NR2F1-AS1: variants seen among roughly 807,000 people sequenced by gnomAD.
NR2F1-AS1 encodes NR2F1 regulatory antisense RNA 1.
intron 4 of NR2F1-AS1, among the ~76,000 whole-genome samples, chr5:93,440,876 T>A (rs549902110): frequency 1.3e-5 from 2 of 152,262 alleles, no homozygotes; most frequent in East Asian, 3.9e-4. Context: ...CTCCAAACAT[T>A]TCTTACAACT....
intron 4 of NR2F1-AS1, among the ~76,000 whole-genome samples, chr5:93,550,420 C>T (rs549971701): frequency 1.2e-4 from 18 of 152,258 alleles, no homozygotes; most frequent in African/African-American, 3.9e-4. Flanking sequence ...AACATCATGG[C>T]CTCATTGCAA....
At chr5:93,449,646 T>G (rs1334610719) in intron 4 of NR2F1-AS1, among the ~76,000 whole-genome samples, 1 of 152,196 alleles carries the variant, frequency 6.6e-6, no homozygotes, top group Non-Finnish European at 1.5e-5. Flanking sequence ...TAAAATTCTG[T>G]TGTAAACCTC....
At chr5:93,570,032 T>C (rs574659518) in intron 1 of NR2F1-AS1, 8 of 152,228 alleles carry the variant, frequency 5.3e-5, no homozygotes, top group African/African-American at 1.9e-4. Flanking sequence ...AGCGGGCTGA[T>C]GGCGCGGGAC....
At chr5:93,464,652 C>G (rs1750185794) in intron 4 of NR2F1-AS1, among the ~76,000 whole-genome samples, 1 of 152,202 alleles carries the variant, frequency 6.6e-6, no homozygotes, top group Non-Finnish European at 1.5e-5. Flanking sequence ...TAATCAAGTA[C>G]TTGAAGTAGC....
chr5:93,487,878 A>AC (rs1750759936), intron 4 of NR2F1-AS1, among the ~76,000 whole-genome samples: 1 of 152,188 alleles, frequency 6.6e-6, no homozygotes, highest in Admixed American at 6.5e-5. Context: ...ACAGCATGGT[A>AC]CTGGTACCAA....
intron 4 of NR2F1-AS1, among the ~76,000 whole-genome samples, chr5:93,472,033 C>T (rs983660687): frequency 2.6e-5 from 4 of 151,734 alleles, no homozygotes; most frequent in African/African-American, 9.7e-5. Flanking sequence ...CAGTACTATA[C>T]AGTATGTATT....
chr5:93,420,465 G>A (rs1749065825), intron 4 of NR2F1-AS1, among the ~76,000 whole-genome samples: 1 of 152,164 alleles, frequency 6.6e-6, no homozygotes. Context: ...ATCTGGGGTG[G>A]CTGAAGCCAT....
intron 4 of NR2F1-AS1, among the ~76,000 whole-genome samples, chr5:93,483,143 C>T (rs768586890): frequency 2.0e-5 from 3 of 152,204 alleles, no homozygotes; most frequent in African/African-American, 4.8e-5. Flanking sequence ...ACCCCCATGC[C>T]TCCTGACTGG....
chr5:93,582,923 C>T (rs1753142125), upstream of NR2F1-AS1, among the ~76,000 whole-genome samples: 1 of 151,962 alleles, frequency 6.6e-6, no homozygotes, highest in African/African-American at 2.4e-5. Context: ...CCTCCCCACA[C>T]CATCCCAGTC....
At chr5:93,503,560 G>A (rs1011608187) in intron 4 of NR2F1-AS1, among the ~76,000 whole-genome samples, 1 of 152,280 alleles carries the variant, frequency 6.6e-6, no homozygotes, top group Admixed American at 6.5e-5. Context: ...ACCAGTCCCA[G>A]AACTAATAAG....
intron 4 of NR2F1-AS1, among the ~76,000 whole-genome samples, chr5:93,480,471 C>G (rs1325096589): frequency 6.6e-6 from 1 of 152,088 alleles, no homozygotes; most frequent in African/African-American, 2.4e-5. Context: ...AGTTCACTGA[C>G]AGACTTGCTC....
chr5:93,412,453 C>CA (rs1748876530), intron 4 of NR2F1-AS1, among the ~76,000 whole-genome samples: 1 of 152,190 alleles, frequency 6.6e-6, no homozygotes, highest in Non-Finnish European at 1.5e-5. Flanking sequence ...TCAGAGCAGA[C>CA]CATAGAGAAG....
At chr5:93,512,691 T>C (rs1190544281) in intron 4 of NR2F1-AS1, among the ~76,000 whole-genome samples, 1 of 152,180 alleles carries the variant, frequency 6.6e-6, no homozygotes, top group Non-Finnish European at 1.5e-5. Flanking sequence ...TTATCTTTTA[T>C]GCTGTATTTT....
At chr5:93,535,941 G>A (rs1751828734) in intron 4 of NR2F1-AS1, among the ~76,000 whole-genome samples, 1 of 152,078 alleles carries the variant, frequency 6.6e-6, no homozygotes, top group African/African-American at 2.4e-5. Flanking sequence ...AATACTGAAA[G>A]TTCTAAGTAG....
chr5:93,544,368 A>G (rs1752026237), intron 4 of NR2F1-AS1, among the ~76,000 whole-genome samples: 1 of 152,164 alleles, frequency 6.6e-6, no homozygotes, highest in Admixed American at 6.5e-5. Flanking sequence ...AAATTATTAT[A>G]AAAACTAGCA....
At chr5:93,494,606 C>G (rs1424430832) in intron 4 of NR2F1-AS1, among the ~76,000 whole-genome samples, 1 of 152,154 alleles carries the variant, frequency 6.6e-6, no homozygotes, top group Non-Finnish European at 1.5e-5. Context: ...CAGAGCAAGA[C>G]TCCATCTCAA....
At chr5:93,450,914 CA>C (rs60895927) in intron 4 of NR2F1-AS1, among the ~76,000 whole-genome samples, 165 of 54,042 alleles carry the variant, frequency 3.1e-3, no homozygotes, top group East Asian at 0.015. Flanking sequence ...GAATCTGCTT[CA>C]AAAAAAAAAA....
intron 4 of NR2F1-AS1, among the ~76,000 whole-genome samples, chr5:93,421,560 C>A (rs932866297): frequency 3.9e-5 from 6 of 152,152 alleles, no homozygotes; most frequent in Non-Finnish European, 8.8e-5. Flanking sequence ...AGCCCCTACT[C>A]GGGCTTTTCA....
intron 4 of NR2F1-AS1, among the ~76,000 whole-genome samples, chr5:93,539,193 G>A (rs762370667): frequency 1.3e-5 from 2 of 152,094 alleles, no homozygotes; most frequent in African/African-American, 2.4e-5. Context: ...TAGGAGAATC[G>A]CTTGAACCTG....
Sources: allele counts gnomAD v4.1 joint callset (sites outside exome capture counted in the v4.1 genomes callset), GRCh38; gene constraint gnomAD v4.1.1; transcripts MANE v1.5; gene names NCBI Gene and HGNC (gene_info 2026-07-23, HGNC 2026-07-21).